The following DNAJB6 variants were observed in gnomAD, a reference collection of about 807,000 sequenced individuals.
The protein encoded by DNAJB6 is DnaJ heat shock protein family (Hsp40) member B6, also known as dnaJ homolog subfamily B member 6.
Under a neutral mutation model 42.7 loss-of-function variants are expected in DNAJB6, and 16 were observed. That is an observed-to-expected ratio of 0.37 (90% confidence interval 0.25 to 0.57). The LOEUF (loss-of-function observed/expected upper bound fraction) is 0.57, where lower values mean the gene tolerates loss of function less well. DNAJB6 is among the 20% of genes least tolerant of loss of function. The probability of loss-of-function intolerance (pLI) is 0.74; values close to 1 mark genes in which losing one functional copy is unlikely to be tolerated. For missense variants in DNAJB6, 347 were observed against 416.8 expected (o/e 0.83, Z 1.46); for synonymous variants, 170 against 163.5 (o/e 1.04, Z -0.30).
chr7:157,370,059 CGTT>C (rs1307740524), intron 5 of DNAJB6, among the ~76,000 whole-genome samples: 3 of 133,286 alleles, frequency 2.3e-5, no homozygotes, highest in Non-Finnish European at 4.7e-5. Flanking sequence ...TCTTTCATAA[CGTT>C]ATTATTAAAC....
At chr7:157,402,737 T>TG (rs1795581125) in intron 8 of DNAJB6, among the ~76,000 whole-genome samples, 1 of 152,150 alleles carries the variant, frequency 6.6e-6, no homozygotes, top group African/African-American at 2.4e-5. Flanking sequence ...ATAAGGAATA[T>TG]GGGGCCTGTG....
intron 9 of DNAJB6, chr7:157,410,622 C>T (rs1381923459): frequency 6.5e-6 from 1 of 154,876 alleles, no homozygotes; most frequent in Admixed American, 6.5e-5. Context: ...TAGGCTTGGC[C>T]CTGACTGCGT....
At chr7:157,361,490 A>G (rs942987239) in intron 2 of DNAJB6, among the ~76,000 whole-genome samples, 2 of 152,158 alleles carry the variant, frequency 1.3e-5, no homozygotes, top group East Asian at 3.9e-4. Context: ...AGTGACATAA[A>G]TTACTGTTAA....
chr7:157,399,190 G>A lies in DNAJB6; in HGVS notation c.692-10605G>A, dbSNP rs182532841. ...GGGCTCTTCGTGTGAGATCTTGCAC[G>A]AGTCAGGCTGCTTGACTGGAAGGTT... On this transcript the variant is annotated intron_variant, in intron 8 of 9. Transcript: ENST00000262177. Among the ~76,000 whole-genome samples, 7 of 152,318 alleles carry A rather than the reference G, an allele frequency of 4.6e-5. No individual in the cohort carries two copies. In the East Asian group the frequency reaches 9.6e-4, roughly 21 times the overall value.
chr7:157,350,612 T>C (rs1798919702), intron 1 of DNAJB6, among the ~76,000 whole-genome samples: 1 of 152,178 alleles, frequency 6.6e-6, no homozygotes, highest in Non-Finnish European at 1.5e-5. Context: ...CTTGGTGATA[T>C]AAAGGTCCTT....
At chr7:157,402,062 T>G (rs891953700) in intron 8 of DNAJB6, among the ~76,000 whole-genome samples, 2 of 152,260 alleles carry the variant, frequency 1.3e-5, no homozygotes, top group Admixed American at 6.5e-5. Context: ...TTCTTCAGGC[T>G]GCTGTTGTGT....
At chr7:157,398,620 AG>A (rs543906697) in intron 8 of DNAJB6, among the ~76,000 whole-genome samples, 7 of 151,626 alleles carry the variant, frequency 4.6e-5, no homozygotes, top group Non-Finnish European at 8.8e-5. Flanking sequence ...TTTTGGCTTG[AG>A]GGGGGGGATG....
At chr7:157,396,135 G>T (rs1426084353) in intron 8 of DNAJB6, among the ~76,000 whole-genome samples, 5 of 152,014 alleles carry the variant, frequency 3.3e-5, no homozygotes, top group Non-Finnish European at 2.9e-5. Context: ...TTTTAGGAGA[G>T]ACAGAGTTTC....
chr7:157,396,611 C>G (rs947597388), intron 8 of DNAJB6, among the ~76,000 whole-genome samples: 2 of 152,238 alleles, frequency 1.3e-5, no homozygotes, highest in Admixed American at 6.5e-5. Context: ...CCCTCCTCTG[C>G]TCTCAGTGTG....
At chr7:157,365,524 T>C (rs1030270005) in intron 3 of DNAJB6, among the ~76,000 whole-genome samples, 1 of 152,228 alleles carries the variant, frequency 6.6e-6, no homozygotes, top group East Asian at 1.9e-4. Context: ...GCTGCAGATA[T>C]GGTCCTCTAA....
chr7:157,394,313 A>C (rs1801484212), intron 8 of DNAJB6, among the ~76,000 whole-genome samples: 1 of 152,198 alleles, frequency 6.6e-6, no homozygotes, highest in South Asian at 2.1e-4. Context: ...GTGAGCTTGT[A>C]TTCTACTGGA....
intron 8 of DNAJB6, among the ~76,000 whole-genome samples, chr7:157,390,917 C>T (rs907401342): frequency 6.6e-6 from 1 of 152,164 alleles, no homozygotes; most frequent in Non-Finnish European, 1.5e-5. Context: ...CTCTCTGTAG[C>T]CTTCAACTCC....
At chr7:157,351,661 C>CAACA (rs1554453363) in intron 1 of DNAJB6, among the ~76,000 whole-genome samples, 5 of 36,414 alleles carry the variant, frequency 1.4e-4, no homozygotes, top group Admixed American at 3.6e-4. Context: ...ACAACAACAA[C>CAACA]AAAAAAAACC....
At chr7:157,366,107 C>T (rs1022926475) in intron 3 of DNAJB6, among the ~76,000 whole-genome samples, 16 of 151,856 alleles carry the variant, frequency 1.1e-4, no homozygotes, top group African/African-American at 3.1e-4. Flanking sequence ...CCTGCCACCA[C>T]GCCTGGCTAA....
intron 5 of DNAJB6, 56 bp from the exon 6 acceptor site, chr7:157,382,190 T>G (rs764487654): frequency 1.3e-6 from 2 of 1,521,076 alleles, no homozygotes; most frequent in Admixed American, 2.4e-5. Flanking sequence ...AGCTATCACA[T>G]GAGGAAAAAA....
rs116328257 is a variant in DNAJB6, at chr7:157,394,681, C to T, written c.691+9070C>T. 4.2e-3 allele frequency among the ~76,000 whole-genome samples: 646 copies of T among 152,184 alleles called. 5 individuals are homozygous for T. Among genetic ancestry groups the T allele is most frequent in the African/African-American group, 0.015 (617 of 41,530 alleles). ...TTGTCTGCAGCTTTTTTGGGAGGAA[C>T]TTTATTGGGATTTGCCCATCATGAG... is the stretch of plus-strand genomic sequence containing the variant. On this transcript the variant is annotated intron_variant, in intron 8 of 9. Coordinates refer to ENST00000262177, the MANE Select transcript of DNAJB6 (RefSeq NM_058246.4).
At chr7:157,415,910 GT>G in intron 9 of DNAJB6, 105 bp from the exon 10 acceptor site, 1 of 1,589,076 alleles carries the variant, frequency 6.3e-7, no homozygotes, top group Non-Finnish European at 8.6e-7. Flanking sequence ...ACTTCATTTT[GT>G]TGCTTTTTGT....
rs777810548 is a variant in DNAJB6, at chr7:157,358,599, C to T, written c.27C>T (p.Gly9=). MVDYYEVL[G]VQRHASPEDI... Reference sequence around the variant, plus strand: ...TGGTGGATTACTATGAAGTTCTAGGCGTGCAGAGACATGCCTCACCCGAGG... The same window carrying T: ...TGGTGGATTACTATGAAGTTCTAGGTGTGCAGAGACATGCCTCACCCGAGG... The change falls in exon 2 of 10, where the codon GGC becomes GGT. Residue 9 remains glycine (G), a synonymous_variant. Transcript: ENST00000262177. 13 of 1,613,806 alleles carry T rather than the reference C, an allele frequency of 8.1e-6. No individual in the cohort carries two copies. The South Asian group carries it at 9.9e-5, about 12-fold the overall frequency.
chr7:157,380,587 C>CTCTA (rs1491555442), intron 5 of DNAJB6: 1 of 152,458 alleles, frequency 6.6e-6, no homozygotes, highest in Non-Finnish European at 1.5e-5. Flanking sequence ...GGCACTCCTC[C>CTCTA]TCTAGGTCTC....
Sources: allele counts gnomAD v4.1 joint callset (sites outside exome capture counted in the v4.1 genomes callset), GRCh38; gene constraint gnomAD v4.1.1; transcripts MANE v1.5; gene names NCBI Gene and HGNC (gene_info 2026-07-23, HGNC 2026-07-21).